IMMP2L: variants seen among roughly 807,000 people sequenced by gnomAD.
IMMP2L encodes inner mitochondrial membrane peptidase subunit 2, also known as mitochondrial inner membrane protease subunit 2.
In IMMP2L, 18 loss-of-function variants were observed where a neutral mutation model predicts 19.3. The ratio of observed to expected loss-of-function variants is 0.93; its 90% CI spans 0.64 to 1.38. The LOEUF (loss-of-function observed/expected upper bound fraction) is 1.38, where lower values mean the gene tolerates loss of function less well. Among genes scored for constraint, IMMP2L ranks in the 40% most tolerant of loss-of-function variants. The pLI is 0.00. For missense variants in IMMP2L, 233 were observed against 218.2 expected (o/e 1.07, Z -0.43); for synonymous variants, 76 against 73.0 (o/e 1.04, Z -0.21).
At chr7:110,898,676 T>C (rs1226810610) in intron 4 of IMMP2L, among the ~76,000 whole-genome samples, 7 of 152,130 alleles carry the variant, frequency 4.6e-5, no homozygotes, top group Admixed American at 1.3e-4. Flanking sequence ...TGAGTAAAAT[T>C]ACAAGTGAAA....
At chr7:111,315,019 T>G (rs2130364185) in intron 3 of IMMP2L, among the ~76,000 whole-genome samples, 1 of 152,276 alleles carries the variant, frequency 6.6e-6, no homozygotes, top group African/African-American at 2.4e-5. Context: ...GAAAATATTT[T>G]AAAAGTATAC....
chr7:110,944,464 C>T (rs189538306), intron 4 of IMMP2L, among the ~76,000 whole-genome samples: 9 of 151,168 alleles, frequency 6.0e-5, no homozygotes, highest in Non-Finnish European at 8.8e-5. Flanking sequence ...TGTGTGTGTG[C>T]GCGCGCACGT....
chr7:111,076,653 C>A (rs959358106), intron 3 of IMMP2L, among the ~76,000 whole-genome samples: 8 of 152,182 alleles, frequency 5.3e-5, no homozygotes, highest in Admixed American at 3.9e-4. Context: ...AAAGCTAAAT[C>A]ATAGGGAATC....
intron 5 of IMMP2L, among the ~76,000 whole-genome samples, chr7:110,840,528 T>C (rs1362556401): frequency 1.3e-5 from 2 of 152,134 alleles, no homozygotes; most frequent in Non-Finnish European, 2.9e-5. Context: ...GAGAAGGTGA[T>C]AGTACTGTCA....
rs1249498767 is a variant in IMMP2L at position 110,870,034 on chromosome 7, C to T, written c.408+16559G>A. 6.6e-6 allele frequency among the ~76,000 whole-genome samples: 1 copy of T among 152,146 alleles called. No individual in the cohort carries two copies. The highest frequency in any genetic ancestry group is 1.5e-5 in the Non-Finnish European group (1 of 68,018). ...TATTTCTACCATTCTACCCCTCCTC[C>T]TAGTTTCAGCCAGCCTGTTCAGCTG... On this transcript the variant is annotated intron_variant, in intron 5 of 5. Transcript: ENST00000405709. The surrounding 1 kb of genome is among the most constrained non-coding windows in gnomAD (Gnocchi z 4.2).
At chr7:110,857,321 T>C (rs1806899252) in intron 5 of IMMP2L, among the ~76,000 whole-genome samples, 1 of 152,074 alleles carries the variant, frequency 6.6e-6, no homozygotes, top group Non-Finnish European at 1.5e-5. Flanking sequence ...TTTGCATAAA[T>C]AGAATAAAAG....
chr7:111,540,078 T>G (rs751845145), intron 1 of IMMP2L, among the ~76,000 whole-genome samples: 16 of 152,216 alleles, frequency 1.1e-4, no homozygotes, highest in Non-Finnish European at 1.9e-4. Flanking sequence ...GCTGCTGCTA[T>G]GTTTCATATA....
At chr7:111,289,827 G>A (rs1171273758) in intron 3 of IMMP2L, among the ~76,000 whole-genome samples, 1 of 151,686 alleles carries the variant, frequency 6.6e-6, no homozygotes, top group Non-Finnish European at 1.5e-5. Context: ...TCTTATGCTT[G>A]GTTGTTGTGT....
chr7:111,349,419 A>G (rs556171337), intron 3 of IMMP2L, among the ~76,000 whole-genome samples: 3 of 152,316 alleles, frequency 2.0e-5, no homozygotes, highest in African/African-American at 7.2e-5. Context: ...AAAAAGTGAG[A>G]CAGCAAAAAA....
intron 3 of IMMP2L, among the ~76,000 whole-genome samples, chr7:111,060,262 T>C (rs1049910072): frequency 6.6e-6 from 1 of 152,256 alleles, no homozygotes; most frequent in African/African-American, 2.4e-5. Flanking sequence ...TTGCAGGTAC[T>C]ACCACCACTC....
At chr7:111,206,699 T>C (rs914926057) in intron 3 of IMMP2L, among the ~76,000 whole-genome samples, 1 of 152,200 alleles carries the variant, frequency 6.6e-6, no homozygotes, top group African/African-American at 2.4e-5. Flanking sequence ...TGAATTATTA[T>C]TAACTACAGT....
At chr7:111,436,767 A>G (rs1837211955) in intron 3 of IMMP2L, among the ~76,000 whole-genome samples, 1 of 151,820 alleles carries the variant, frequency 6.6e-6, no homozygotes, top group Non-Finnish European at 1.5e-5. Context: ...TATAAAGAAG[A>G]GGTTTATTTT....
At chr7:111,465,948 G>A (rs1288923356) in intron 3 of IMMP2L, among the ~76,000 whole-genome samples, 1 of 152,108 alleles carries the variant, frequency 6.6e-6, no homozygotes, top group Non-Finnish European at 1.5e-5. Flanking sequence ...ATGATAGACT[G>A]GATTAAGAAA....
chr7:111,320,391 T>G (rs1415550594), intron 3 of IMMP2L, among the ~76,000 whole-genome samples: 1 of 152,110 alleles, frequency 6.6e-6, no homozygotes, highest in Non-Finnish European at 1.5e-5. Flanking sequence ...TTCCTCAGCA[T>G]TTGCTTCAGC....
intron 3 of IMMP2L, among the ~76,000 whole-genome samples, chr7:111,152,924 T>C (rs1346372026): frequency 1.3e-5 from 2 of 152,052 alleles, no homozygotes; most frequent in East Asian, 1.9e-4. Flanking sequence ...TAAATATATA[T>C]AGATGAATGA....
chr7:111,170,813 T>C (rs1321802655), intron 3 of IMMP2L, among the ~76,000 whole-genome samples: 4 of 151,864 alleles, frequency 2.6e-5, no homozygotes, highest in African/African-American at 9.6e-5. Context: ...GAATACTGCA[T>C]AGTAGTAAAG....
At chr7:111,241,927 T>A (rs752986559) in intron 3 of IMMP2L, among the ~76,000 whole-genome samples, 1 of 151,914 alleles carries the variant, frequency 6.6e-6, no homozygotes, top group South Asian at 2.1e-4. Context: ...TAGCAAAACA[T>A]GTTGTTAAAG....
At chr7:111,445,110 G>C (rs1838186198) in intron 3 of IMMP2L, among the ~76,000 whole-genome samples, 2 of 152,104 alleles carry the variant, frequency 1.3e-5, no homozygotes, top group East Asian at 1.9e-4. Flanking sequence ...ACCTATGTGA[G>C]AAAGTGCCTC....
intron 3 of IMMP2L, among the ~76,000 whole-genome samples, chr7:111,298,371 G>A (rs544822551): frequency 6.6e-6 from 1 of 152,134 alleles, no homozygotes; most frequent in Non-Finnish European, 1.5e-5. Context: ...TTCTTGGGAG[G>A]ATCCGATAAA....
Sources: gnomAD v4.1 joint callset for allele counts (sites outside exome capture counted in the v4.1 genomes callset) on GRCh38, gnomAD v4.1.1 for gene constraint, Gnocchi (gnomAD v3.1) non-coding constraint, MANE v1.5 for transcripts, NCBI Gene and HGNC (gene_info 2026-07-23, HGNC 2026-07-21) for gene names.